The following GPC6 variants were observed in gnomAD, a reference collection of about 807,000 sequenced individuals.
The protein encoded by GPC6 is glypican-6.
In GPC6, 14 loss-of-function variants were observed where a neutral mutation model predicts 55.2. That is an observed-to-expected ratio of 0.25 (90% CI 0.17 to 0.40). GPC6 has a LOEUF of 0.40. Among genes scored for constraint, GPC6 ranks in the 10% least tolerant of loss-of-function variants. The probability of loss-of-function intolerance (pLI) is 1.00; values close to 1 mark genes in which losing one functional copy is unlikely to be tolerated. For missense variants in GPC6, 641 were observed against 708.5 expected (o/e 0.90, Z 1.08); for synonymous variants, 278 against 259.6 (o/e 1.07, Z -0.68).
chr13:94,378,716 T>C (rs1264078398), intron 6 of GPC6, among the ~76,000 whole-genome samples: 2 of 152,176 alleles, frequency 1.3e-5, no homozygotes, highest in East Asian at 3.8e-4. Context: ...GTAGTTGTTG[T>C]TTAACTTCCA....
intron 3 of GPC6, among the ~76,000 whole-genome samples, chr13:94,006,433 C>T (rs572765704): frequency 2.6e-5 from 4 of 152,276 alleles, no homozygotes; most frequent in East Asian, 3.9e-4. Context: ...AAAGCAGATG[C>T]GCTCCTCAGC....
chr13:93,853,311 A>G (rs868320818), intron 3 of GPC6, among the ~76,000 whole-genome samples: 1 of 151,662 alleles, frequency 6.6e-6, no homozygotes, highest in Non-Finnish European at 1.5e-5. Flanking sequence ...TACCACCACT[A>G]TGGCAAAGGA....
chr13:94,030,616 C>G (rs1317460600), intron 4 of GPC6, among the ~76,000 whole-genome samples: 1 of 152,018 alleles, frequency 6.6e-6, no homozygotes, highest in Non-Finnish European at 1.5e-5. Context: ...ATATAATAGC[C>G]CTCTCTCTGG....
chr13:94,190,352 G>T (rs181394338), intron 4 of GPC6, among the ~76,000 whole-genome samples: 1 of 152,026 alleles, frequency 6.6e-6, no homozygotes, highest in African/African-American at 2.4e-5. Flanking sequence ...CTTTTTCCTA[G>T]TGAAATGACA....
At chr13:93,658,272 T>C (rs983981002) in intron 2 of GPC6, among the ~76,000 whole-genome samples, 3 of 152,060 alleles carry the variant, frequency 2.0e-5, no homozygotes, top group African/African-American at 7.2e-5. Context: ...TGTTTTTGCC[T>C]ATTCATATAA....
At chr13:93,262,206 A>G (rs1003878160) in intron 1 of GPC6, among the ~76,000 whole-genome samples, 2 of 152,066 alleles carry the variant, frequency 1.3e-5, no homozygotes, top group Non-Finnish European at 2.9e-5. Context: ...TACCTTTCTC[A>G]GGTCCAGATG....
chr13:93,824,546 G>T (rs1299371291), intron 2 of GPC6, among the ~76,000 whole-genome samples: 1 of 152,068 alleles, frequency 6.6e-6, no homozygotes, highest in African/African-American at 2.4e-5. Flanking sequence ...GGCAGAGTTT[G>T]GAGAGAAAGT....
chr13:94,145,182 G>A (rs990437092), intron 4 of GPC6, among the ~76,000 whole-genome samples: 1 of 145,578 alleles, frequency 6.9e-6, no homozygotes, highest in African/African-American at 2.6e-5. Flanking sequence ...GACGGATGAT[G>A]AATGGATGGA....
At chr13:94,349,604 T>C (rs9524450) in intron 6 of GPC6, among the ~76,000 whole-genome samples, 28,153 of 152,116 alleles carry the variant, frequency 0.19, 3,408 homozygotes, top group East Asian at 0.34. Flanking sequence ...TTCTACTGTG[T>C]CTGAGCAAAC....
At chr13:93,934,451 G>T (rs1878331375) in intron 3 of GPC6, among the ~76,000 whole-genome samples, 1 of 151,994 alleles carries the variant, frequency 6.6e-6, no homozygotes, top group South Asian at 2.1e-4. Context: ...CATTTATTGA[G>T]GTAAAATCCC....
chr13:93,346,858 T>G (rs1880448967), intron 1 of GPC6, among the ~76,000 whole-genome samples: 2 of 152,194 alleles, frequency 1.3e-5, no homozygotes, highest in African/African-American at 4.8e-5. Flanking sequence ...ATACATTTAG[T>G]CATATAATTT....
chr13:94,292,177 G>T (rs1255969772), intron 5 of GPC6, among the ~76,000 whole-genome samples: 1 of 152,180 alleles, frequency 6.6e-6, no homozygotes, highest in Non-Finnish European at 1.5e-5. Context: ...AGATAGAGAA[G>T]TTAGGTGACT....
intron 4 of GPC6, among the ~76,000 whole-genome samples, chr13:94,250,098 T>A (rs1891305727): frequency 6.6e-6 from 1 of 152,190 alleles, no homozygotes; most frequent in African/African-American, 2.4e-5. Flanking sequence ...AAGCACTATA[T>A]TAAGCACTGT....
At chr13:93,488,098 G>A (rs190587490) in intron 1 of GPC6, among the ~76,000 whole-genome samples, 7 of 152,098 alleles carry the variant, frequency 4.6e-5, no homozygotes, top group East Asian at 1.9e-4. Flanking sequence ...TAGGTATATC[G>A]CCTAATGCTA....
intron 2 of GPC6, among the ~76,000 whole-genome samples, chr13:93,689,492 C>T (rs1019971257): frequency 2.0e-5 from 3 of 152,032 alleles, no homozygotes; most frequent in African/African-American, 7.2e-5. Flanking sequence ...AGAAGGCACA[C>T]AGACTCAGAC....
intron 3 of GPC6, among the ~76,000 whole-genome samples, chr13:93,931,662 G>A (rs1878182946): frequency 6.6e-6 from 1 of 151,370 alleles, no homozygotes; most frequent in Non-Finnish European, 1.5e-5. Flanking sequence ...TAGTCAGAAG[G>A]CTGAGGCGGA....
chr13:93,909,739 A>G (rs1321531713), intron 3 of GPC6, among the ~76,000 whole-genome samples: 3 of 152,122 alleles, frequency 2.0e-5, no homozygotes, highest in Admixed American at 2.0e-4. Context: ...TCATAAAGTC[A>G]TATTTCTTAA....
chr13:94,309,375 G>A (rs895485539), intron 6 of GPC6, among the ~76,000 whole-genome samples: 4 of 152,040 alleles, frequency 2.6e-5, no homozygotes, highest in Admixed American at 6.6e-5. Flanking sequence ...TTTTTTTAAT[G>A]TGAACTGGTC....
chr13:94,101,659 A>G (rs964961342), intron 4 of GPC6, among the ~76,000 whole-genome samples: 2 of 152,154 alleles, frequency 1.3e-5, no homozygotes, highest in Non-Finnish European at 2.9e-5. Flanking sequence ...TGCTTCCTCC[A>G]TTTTGAACTG....
Sources: gnomAD v4.1 joint callset for allele counts (sites outside exome capture counted in the v4.1 genomes callset) on GRCh38, gnomAD v4.1.1 for gene constraint, MANE v1.5 for transcripts, NCBI Gene and HGNC (gene_info 2026-07-23, HGNC 2026-07-21) for gene names.